The following ELOA variants were observed in gnomAD, a reference collection of about 807,000 sequenced individuals.
ELOA encodes the protein elongin-A.
ELOA carries 15 observed loss-of-function variants against 85.2 expected under a neutral mutation model. The ratio of observed to expected loss-of-function variants is 0.18; its 90% CI spans 0.12 to 0.27. The LOEUF (loss-of-function observed/expected upper bound fraction) is 0.27, where lower values mean the gene tolerates loss of function less well. Among genes scored for constraint, ELOA ranks in the 10% least tolerant of loss-of-function variants. The pLI is 1.00. For missense variants in ELOA, 769 were observed against 952.7 expected, an observed-to-expected ratio of 0.81 and a Z score of 2.54; for synonymous variants, 348 against 357.2, an observed-to-expected ratio of 0.97 and a Z score of 0.29.
Position 23,750,908 on chromosome 1 carries a change from C to A in ELOA, c.303C>A (p.Ala101=), listed in dbSNP as rs149963879. Residue 101 remains alanine (A), a synonymous_variant, in exon 4 of 11, where the codon GCC becomes GCA. Transcript: ENST00000613537. ...KSNSRKRPRD[A]LQKEEEMEGD... ...ATTCCCGAAAGCGCCCTCGGGATGC[C>A]CTGCAGAAGGAGGAGGAGATGGAGG... The A allele has an allele frequency of 1.6e-5, 26 of 1,613,012 alleles. No individual in the cohort carries two copies. Among genetic ancestry groups the A allele is most frequent in the Middle Eastern group, 1.6e-4 (1 of 6,070 alleles).
Position 23,751,683 on chromosome 1 carries a change from A to C in ELOA, c.1078A>C (p.Lys360Gln). The change falls in exon 4 of 11, where the codon AAG becomes CAG. Residue 360 changes from lysine (K) to glutamine (Q), a missense_variant. By Grantham distance (53) the Lys-to-Gln change is moderately conservative. Around this residue, in one of 4 missense-constraint regions of ELOA, gnomAD observed 440 missense variants for 474.0 expected, o/e 0.93. Coordinates refer to ENST00000613537, the MANE Select transcript of ELOA (RefSeq NM_003198.3). ...TGKGAGDLLP[K>Q]VKEKGSNNLK... ...AAAAGGAGCAGGAGACCTGTTGCCC[A>C]AGGTAAAAGAGAAGGGTTCTAACAA... The C allele has an allele frequency of 1.2e-6, 2 of 1,614,214 alleles. No homozygotes were observed. The highest frequency in any genetic ancestry group is 1.7e-6 in the Non-Finnish European group (2 of 1,180,030).
intron 1 of ELOA, among the ~76,000 whole-genome samples, chr1:23,747,624 C>T (rs1425109831): frequency 1.3e-5 from 2 of 152,130 alleles, no homozygotes; most frequent in African/African-American, 2.4e-5. Flanking sequence ...TCTTTGCACC[C>T]ATAGCTTGGG....
chr1:23,756,921 T>C (rs371861419), intron 9 of ELOA, 32 bp from the exon 10 acceptor site: 3 of 1,456,138 alleles, frequency 2.1e-6, no homozygotes, highest in Non-Finnish European at 2.7e-6. Context: ...TTTCTTGTGC[T>C]CATGCCTAAC....
At position 23,761,206 on chromosome 1, in the gene ELOA, G is replaced by A. The variant is rs1638289539; in HGVS notation, c.*1633G>A. Reference sequence around the variant, plus strand: ...GTTTTAATTTGCTATATTTTTGAATGGGTAAAGCATTACTTTACTTCTCTT... The same window carrying A: ...GTTTTAATTTGCTATATTTTTGAATAGGTAAAGCATTACTTTACTTCTCTT... On this transcript the variant is annotated 3_prime_UTR_variant, in exon 11 of 11. Coordinates refer to ENST00000613537, the MANE Select transcript of ELOA (RefSeq NM_003198.3). 6.6e-6 allele frequency: 1 copy of A among 152,124 alleles called. No individual in the cohort carries two copies. Among genetic ancestry groups the A allele is most frequent in the Non-Finnish European group, 1.5e-5 (1 of 68,040 alleles). 9.4% of individuals were successfully genotyped at this position (152,124 alleles called of 1,614,324 possible). A position where few individuals can be genotyped will look rare whatever the true frequency, so the allele number is the denominator to read the frequency against.
rs776729655 is a variant in ELOA, at chr1:23,752,410, C to T, written c.1429C>T (p.Pro477Ser). 5 of 1,613,812 alleles carry T rather than the reference C, an allele frequency of 3.1e-6. No homozygotes were observed. In the African/African-American group the frequency reaches 6.7e-5, roughly 22 times the overall value. ...CCCATGGGTCTGTCCCCTGCAGGTG[C>T]CTGATGTGTTGCCAGTGTTGCCAGA... Reference protein sequence around the residue: ...GADLAKLRKVPDVLPVLPDLP... With the variant: ...GADLAKLRKVSDVLPVLPDLP... Residue 477 changes from proline (P) to serine (S), a missense_variant, in exon 5 of 11, where the codon CCT becomes TCT. Physicochemically the swap from Pro to Ser is moderately conservative, Grantham distance 74. This residue lies in a region of ELOA where 193 missense variants were observed against 278.9 expected (regional missense o/e 0.69). Coordinates refer to ENST00000613537, the MANE Select transcript of ELOA (RefSeq NM_003198.3).
At chr1:23,756,152 C>A in intron 8 of ELOA, 122 bp from the exon 9 acceptor site, 1 of 1,423,196 alleles carries the variant, frequency 7.0e-7, no homozygotes, top group Non-Finnish European at 9.4e-7. Flanking sequence ...GGTATTTCTT[C>A]TGCCACCGCC....
rs757376425 is a variant in ELOA, at chr1:23,750,818, C to T, written c.240-27C>T. 7 of 1,533,132 alleles carry T rather than the reference C, an allele frequency of 4.6e-6. No homozygotes were observed. In the South Asian group the frequency reaches 9.3e-5, roughly 20 times the overall value. 95.0% of individuals were successfully genotyped at this position (1,533,132 alleles called of 1,614,324 possible). A position where few individuals can be genotyped will look rare whatever the true frequency, so the allele number is the denominator to read the frequency against. On this transcript the variant is annotated intron_variant, in intron 3 of 10. Transcript: ENST00000613537. ...CCTCAAGAAGCAAGATTTAGACCTA[C>T]TTTGTCTGCTTTTTCTTTTATTTTA...
chr1:23,752,409 G>C lies in ELOA; in HGVS notation c.1428G>C (p.Val476=), dbSNP rs1315964010. The change falls in exon 5 of 11, where the codon GTG becomes GTC. Residue 476 remains valine (V), a splice_region_variant and synonymous_variant. Coordinates refer to ENST00000613537, the MANE Select transcript of ELOA (RefSeq NM_003198.3). The part of the protein sequence containing the change: ...AGADLAKLRK[V]PDVLPVLPDL... ...ACCCATGGGTCTGTCCCCTGCAGGT[G>C]CCTGATGTGTTGCCAGTGTTGCCAG... The C allele has an allele frequency of 6.2e-7, 1 of 1,613,896 alleles. No individual in the cohort carries two copies. The highest frequency in any genetic ancestry group is 8.5e-7 in the Non-Finnish European group (1 of 1,179,910).
chr1:23,747,825 A>G (rs1299775785), intron 1 of ELOA, among the ~76,000 whole-genome samples: 1 of 152,256 alleles, frequency 6.6e-6, no homozygotes, highest in Non-Finnish European at 1.5e-5. Context: ...TGATTGAAGT[A>G]GAATGACCAG....
intron 10 of ELOA, among the ~76,000 whole-genome samples, chr1:23,758,334 C>T (rs1183268461): frequency 4.4e-5 from 5 of 113,420 alleles, no homozygotes; most frequent in African/African-American, 6.8e-5. Flanking sequence ...AGTACAGTGG[C>T]GTGATCTCGG....
chr1:23,754,577 C>G (rs1185522961), intron 7 of ELOA, 117 bp downstream of exon 7: 6 of 824,824 alleles, frequency 7.3e-6, no homozygotes, highest in Non-Finnish European at 1.2e-5. Context: ...GAGCATTGTT[C>G]TGGATATATT....
chr1:23,757,250 C>G (rs1340718593), intron 10 of ELOA, 125 bp downstream of exon 10: 1 of 1,077,886 alleles, frequency 9.3e-7, no homozygotes, highest in African/African-American at 1.6e-5. Context: ...TTGCACATAG[C>G]TGGTCTGAAT....
At chr1:23,758,889 T>TG in intron 10 of ELOA, among the ~76,000 whole-genome samples, 1 of 152,130 alleles carries the variant, frequency 6.6e-6, no homozygotes, top group Non-Finnish European at 1.5e-5. Context: ...AGTTAAGTTA[T>TG]GACTGAGTAT....
At chr1:23,756,875 AC>A in intron 9 of ELOA, 77 bp from the exon 10 acceptor site, 1 of 1,389,038 alleles carries the variant, frequency 7.2e-7, no homozygotes. Context: ...TCATCCTCAC[AC>A]AGGCCAGCTT....
intron 7 of ELOA, 116 bp from the exon 8 acceptor site, chr1:23,755,727 C>A: frequency 9.5e-7 from 1 of 1,048,290 alleles, no homozygotes; most frequent in South Asian, 1.9e-5. Flanking sequence ...TTGCAGTGAA[C>A]CAAAATTGCA....
intron 8 of ELOA, 59 bp from the exon 9 acceptor site, chr1:23,756,215 T>TTAAATAACAG: frequency 6.7e-7 from 1 of 1,491,958 alleles, no homozygotes; most frequent in Non-Finnish European, 9.0e-7. Context: ...CGTGGATTAT[T>TTAAATAACAG]TAAATAACAG....
rs1019490315 is a variant in ELOA, at chr1:23,760,390, C to A, written c.*817C>A. 1.3e-5 allele frequency: 2 copies of A among 151,574 alleles called. No homozygotes were observed. The highest frequency in any genetic ancestry group is 4.8e-5 in the African/African-American group (2 of 41,286). 9.4% of individuals were successfully genotyped at this position (151,574 alleles called of 1,614,324 possible). A position where few individuals can be genotyped will look rare whatever the true frequency, so the allele number is the denominator to read the frequency against. On this transcript the variant is annotated 3_prime_UTR_variant, in exon 11 of 11. Transcript: ENST00000613537. Reference sequence around the variant, plus strand: ...CAGAACTCCCCACCTCCCACTTTTACAATTTCCAGTTTCTGATTGAAAATT... The same window carrying A: ...CAGAACTCCCCACCTCCCACTTTTAAAATTTCCAGTTTCTGATTGAAAATT...
chr1:23,752,868 GGGAGGT>G (rs1418968706), intron 5 of ELOA, among the ~76,000 whole-genome samples: 1 of 152,074 alleles, frequency 6.6e-6, no homozygotes, highest in Non-Finnish European at 1.5e-5. Flanking sequence ...GCTTGAACCT[GGGAGGT>G]GGAGGTTGCA....
chr1:23,759,366 T>C, intron 10 of ELOA, 146 bp from the exon 11 acceptor site: 1 of 745,966 alleles, frequency 1.3e-6, no homozygotes, highest in East Asian at 2.7e-5. Context: ...TTTATTGCAT[T>C]GTGAACAGAG....
Sources: gnomAD v4.1 joint callset for allele counts (sites outside exome capture counted in the v4.1 genomes callset) on GRCh38, gnomAD v4.1.1 for gene constraint, gnomAD v4.1.1 regional missense constraint, MANE v1.5 for transcripts, NCBI Gene and HGNC (gene_info 2026-07-23, HGNC 2026-07-21) for gene names.